Variants in KCNK2 observed in about 807,000 individuals in gnomAD.
KCNK2 encodes the protein potassium channel subfamily K member 2.
KCNK2 carries 21 observed loss-of-function variants against 40.5 expected under a neutral mutation model. That is an observed-to-expected ratio of 0.52 (90% confidence interval 0.37 to 0.75). The LOEUF (loss-of-function observed/expected upper bound fraction) is 0.75, where lower values mean the gene tolerates loss of function less well. Ranked by LOEUF, KCNK2 falls within the 30% of genes least tolerant of loss-of-function variation. The pLI is 0.00. For synonymous variants in KCNK2, 191 were observed against 202.2 expected (o/e 0.94, Z 0.47); for missense variants, 399 against 531.6 (o/e 0.75, Z 2.45).
At chr1:215,061,333 T>C (rs1658354607) in intron 1 of KCNK2, among the ~76,000 whole-genome samples, 1 of 152,150 alleles carries the variant, frequency 6.6e-6, no homozygotes, top group African/African-American at 2.4e-5. Context: ...AAATCAAGTT[T>C]GTCATTCTTT....
chr1:215,041,901 G>T (rs1657578606), intron 1 of KCNK2, among the ~76,000 whole-genome samples: 7 of 152,104 alleles, frequency 4.6e-5, no homozygotes, highest in Admixed American at 4.6e-4. Flanking sequence ...AAGTTTAACG[G>T]GCTCACAGTT....
intron 3 of KCNK2, among the ~76,000 whole-genome samples, chr1:215,135,959 T>C (rs573810635): frequency 6.6e-6 from 1 of 152,234 alleles, no homozygotes; most frequent in East Asian, 1.9e-4. Context: ...GTTCTCAATC[T>C]CTTGACCTCA....
chr1:215,201,354 C>A (rs1269963640), intron 6 of KCNK2, among the ~76,000 whole-genome samples: 1 of 152,152 alleles, frequency 6.6e-6, no homozygotes, highest in Non-Finnish European at 1.5e-5. Flanking sequence ...CCTGATGCAC[C>A]ACTCTTGTAG....
intron 6 of KCNK2, among the ~76,000 whole-genome samples, chr1:215,209,484 AATAC>A (rs1336398350): frequency 4.5e-4 from 16 of 35,240 alleles, no homozygotes; most frequent in South Asian, 8.6e-4. Flanking sequence ...TATTATATAT[AATAC>A]ATATATATAA....
chr1:215,099,321 A>G (rs1039119768), intron 2 of KCNK2, among the ~76,000 whole-genome samples: 2 of 152,000 alleles, frequency 1.3e-5, no homozygotes, highest in African/African-American at 2.4e-5. Flanking sequence ...AACTTCATCC[A>G]TGTCCCTGAA....
intron 1 of KCNK2, among the ~76,000 whole-genome samples, chr1:215,056,170 T>C (rs538584476): frequency 6.6e-6 from 1 of 151,536 alleles, no homozygotes; most frequent in Non-Finnish European, 1.5e-5. Context: ...TAGCCGGGCA[T>C]GGTGGTGCAT....
intron 1 of KCNK2, among the ~76,000 whole-genome samples, chr1:215,073,648 A>G (rs906901225): frequency 2.6e-5 from 4 of 152,120 alleles, no homozygotes; most frequent in Non-Finnish European, 5.9e-5. Context: ...ACAGAGAGAA[A>G]ATCATGGAGC....
At chr1:215,179,015 C>T (rs1664111308) in intron 5 of KCNK2, among the ~76,000 whole-genome samples, 1 of 151,108 alleles carries the variant, frequency 6.6e-6, no homozygotes, top group Non-Finnish European at 1.5e-5. Flanking sequence ...TTTTTAATTA[C>T]TGATTCCATT....
At position 215,043,719 on chromosome 1, in the gene KCNK2, G is replaced by A. The variant is rs148123451; in HGVS notation, c.34+37764G>A. Reference sequence around the variant, plus strand: ...GAAAAAATTCTGTAGATGTATGATGGTAGATGCTTGCACAACCATCTGAAT... The same window carrying A: ...GAAAAAATTCTGTAGATGTATGATGATAGATGCTTGCACAACCATCTGAAT... On this transcript the variant is annotated intron_variant, in intron 1 of 6. Coordinates refer to the KCNK2 transcript ENST00000391895. Among the ~76,000 whole-genome samples the A allele has an allele frequency of 5.7e-3, 862 of 152,240 alleles. 5 individuals are homozygous for A. The highest frequency in any genetic ancestry group is 0.034 in the Middle Eastern group (10 of 294).
intron 1 of KCNK2, among the ~76,000 whole-genome samples, chr1:215,056,107 G>A (rs1244314306): frequency 1.3e-5 from 2 of 151,930 alleles, no homozygotes; most frequent in Non-Finnish European, 2.9e-5. Flanking sequence ...TCAGGAATTC[G>A]AGACCAGCCT....
chr1:215,056,999 T>A (rs1476007635), intron 1 of KCNK2, among the ~76,000 whole-genome samples: 1 of 152,222 alleles, frequency 6.6e-6, no homozygotes, highest in East Asian at 1.9e-4. Context: ...TACATGTAAA[T>A]GACTTAACCT....
intron 4 of KCNK2, 26 bp from the exon 5 acceptor site, chr1:215,171,971 C>A: frequency 2.0e-6 from 3 of 1,492,380 alleles, no homozygotes; most frequent in Non-Finnish European, 2.8e-6. Context: ...TATATATATA[C>A]ACACACCTTT....
At chr1:215,172,924 A>G (rs1381750294) in intron 5 of KCNK2, among the ~76,000 whole-genome samples, 2 of 152,036 alleles carry the variant, frequency 1.3e-5, no homozygotes, top group Non-Finnish European at 2.9e-5. Context: ...CTGGGATTAC[A>G]GGCACAAGCC....
At chr1:215,194,906 C>T (rs755608318) in intron 5 of KCNK2, 47 bp from the exon 6 acceptor site, 1 of 1,590,888 alleles carries the variant, frequency 6.3e-7, no homozygotes, top group South Asian at 1.1e-5. Context: ...AGATTGTTTA[C>T]TTTTAAGACT....
At chr1:215,029,104 T>A (rs1452270933) in intron 1 of KCNK2, among the ~76,000 whole-genome samples, 1 of 152,110 alleles carries the variant, frequency 6.6e-6, no homozygotes, top group Non-Finnish European at 1.5e-5. Flanking sequence ...AGAGTTTTTT[T>A]AAAATTGACA....
Position 215,142,794 on chromosome 1 carries a change from AT to A in KCNK2, c.475+18054del, listed in dbSNP as rs916351868. On this transcript the variant is annotated intron_variant, in intron 3 of 6. Coordinates refer to ENST00000444842, the MANE Select transcript of KCNK2 (RefSeq NM_001017425.3). ...TGAATTGTTATGGAAATGAAGAAAT[AT>A]TTTTTTTTTCTAGCTGCTTTTCTTA... is the stretch of plus-strand genomic sequence containing the variant. Among the ~76,000 whole-genome samples the A allele has an allele frequency of 1.5e-3, 224 of 149,382 alleles. No individual in the cohort carries two copies. In the South Asian group the frequency reaches 0.018, roughly 12 times the overall value.
At chr1:215,092,925 A>C (rs1659752496) in intron 2 of KCNK2, among the ~76,000 whole-genome samples, 1 of 152,166 alleles carries the variant, frequency 6.6e-6, no homozygotes, top group Non-Finnish European at 1.5e-5. Flanking sequence ...TAAGCAAAAC[A>C]GCTCAGACTG....
chr1:215,175,793 C>T (rs533451469), intron 5 of KCNK2, among the ~76,000 whole-genome samples: 3 of 152,162 alleles, frequency 2.0e-5, no homozygotes, highest in African/African-American at 7.2e-5. Flanking sequence ...GGATAATGGT[C>T]TCCAGCTGCA....
chr1:215,217,249 G>C (rs1225913103), intron 6 of KCNK2, among the ~76,000 whole-genome samples: 1 of 152,080 alleles, frequency 6.6e-6, no homozygotes, highest in African/African-American at 2.4e-5. Context: ...CCATGCAATT[G>C]TACATGGGAG....
Sources: gnomAD v4.1 joint callset for allele counts (sites outside exome capture counted in the v4.1 genomes callset) on GRCh38, gnomAD v4.1.1 for gene constraint, MANE v1.5 for transcripts, NCBI Gene and HGNC (gene_info 2026-07-23, HGNC 2026-07-21) for gene names.